The following P4HA1 variants were observed in gnomAD, a reference collection of about 807,000 sequenced individuals.
P4HA1 encodes the protein prolyl 4-hydroxylase subunit alpha 1, also known as prolyl 4-hydroxylase subunit alpha-1.
A neutral mutation model predicts 72.8 loss-of-function variants in P4HA1; 24 were observed. The observed-to-expected ratio is 0.33, with a 90% CI of 0.24 to 0.46. The LOEUF (loss-of-function observed/expected upper bound fraction) is 0.46, where lower values mean the gene tolerates loss of function less well. Ranked by LOEUF, P4HA1 falls within the 20% of genes least tolerant of loss-of-function variation. The pLI, the probability that P4HA1 is intolerant of heterozygous loss-of-function variation, is 1.00. For synonymous variants in P4HA1, 201 were observed against 218.8 expected, an observed-to-expected ratio of 0.92 and a Z score of 0.72; for missense variants, 446 against 640.6, an observed-to-expected ratio of 0.70 and a Z score of 3.28.
chr10:73,034,779 T>C (rs1840530381), intron 9 of P4HA1, among the ~76,000 whole-genome samples: 1 of 151,854 alleles, frequency 6.6e-6, no homozygotes, highest in Non-Finnish European at 1.5e-5. Flanking sequence ...CGGGGTTTCA[T>C]CATGGTGACC....
intron 1 of P4HA1, among the ~76,000 whole-genome samples, chr10:73,080,503 A>C (rs1564636988): frequency 6.6e-6 from 1 of 152,224 alleles, no homozygotes; most frequent in African/African-American, 2.4e-5. Flanking sequence ...AGTACAACTG[A>C]ATGTCTAATT....
Position 73,053,559 on chromosome 10 carries a change from C to T in P4HA1, c.495G>A (p.Glu165=), listed in dbSNP as rs200307011. The T allele has an allele frequency of 7.4e-5, 120 of 1,613,798 alleles. No individual in the cohort carries two copies. Among genetic ancestry groups the T allele is most frequent in the Admixed American group, 1.2e-4 (7 of 59,994 alleles). The stretch of plus-strand genomic sequence containing the variant: ...CCACTTTGCCCAACTCAAAGCAGTC[C>T]TCAGCCGTTAGAAAAGATTTGTGTT... ...GVKHKSFLTA[E]DCFELGKVAY... Residue 165 remains glutamate, a synonymous_variant, in exon 6 of 15, where the codon GAG becomes GAA. Coordinates refer to ENST00000394890, the MANE Select transcript of P4HA1 (RefSeq NM_001017962.3).
intron 1 of P4HA1, among the ~76,000 whole-genome samples, chr10:73,080,591 A>G (rs923522632): frequency 6.6e-6 from 1 of 152,244 alleles, no homozygotes; most frequent in Admixed American, 6.5e-5. Context: ...TTTAAGTGAC[A>G]TGTTAATAGC....
Position 73,007,596 on chromosome 10 carries a change from T to C in P4HA1, c.*626A>G, listed in dbSNP as rs201527600. 2.1e-5 allele frequency: 3 copies of C among 142,078 alleles called. No individual in the cohort carries two copies. Among genetic ancestry groups the C allele is most frequent in the Non-Finnish European group, 4.6e-5 (3 of 65,462 alleles). 8.8% of individuals were successfully genotyped at this position (142,078 alleles called of 1,614,324 possible). On this transcript the variant is annotated 3_prime_UTR_variant, in exon 15 of 15. Transcript: ENST00000394890. ...CTTTCCATTAAAAAAAAAAAAAAAATCGAAATATTTTAACTCAAGTACGTT... is the reference window on the plus strand; with the variant it reads ...CTTTCCATTAAAAAAAAAAAAAAAACCGAAATATTTTAACTCAAGTACGTT...
intron 1 of P4HA1, among the ~76,000 whole-genome samples, chr10:73,090,350 T>C (rs1842002886): frequency 6.6e-6 from 1 of 151,538 alleles, no homozygotes; most frequent in Non-Finnish European, 1.5e-5. Flanking sequence ...CCCAGGCTGG[T>C]CTGGAACTCC....
intron 9 of P4HA1, among the ~76,000 whole-genome samples, chr10:73,034,769 C>T (rs551907219): frequency 6.6e-6 from 1 of 151,580 alleles, no homozygotes. Flanking sequence ...TTAGTAGAGA[C>T]GGGGTTTCAT....
chr10:73,078,987 C>T (rs916312981), intron 1 of P4HA1, among the ~76,000 whole-genome samples: 2 of 151,936 alleles, frequency 1.3e-5, no homozygotes, highest in African/African-American at 4.8e-5. Context: ...AAATTAACTT[C>T]GTACAAAATA....
chr10:73,072,299 C>T, intron 3 of P4HA1, 119 bp from the exon 4 acceptor site: 1 of 728,264 alleles, frequency 1.4e-6, no homozygotes, highest in Non-Finnish European at 2.2e-6. Flanking sequence ...TCTGTAGTTT[C>T]TTTTTAAAGT....
At chr10:73,026,350 T>C (rs1337068706) in intron 10 of P4HA1, among the ~76,000 whole-genome samples, 1 of 152,118 alleles carries the variant, frequency 6.6e-6, no homozygotes, top group African/African-American at 2.4e-5. Context: ...AAACAAGAAA[T>C]GGGGAAAGGA....
chr10:73,011,080 A>T (rs1277122235), intron 12 of P4HA1, 43 bp from the exon 13 acceptor site: 1 of 1,425,842 alleles, frequency 7.0e-7, no homozygotes, highest in Non-Finnish European at 9.9e-7. Flanking sequence ...CTGGTAGAAT[A>T]AAGTAAAACA....
Position 73,068,953 on chromosome 10 carries a change from T to C in P4HA1, c.356A>G (p.Gln119Arg). The part of the protein sequence containing the change: ...GFISNLTIQR[Q>R]YFPNDEDQVG... ...CTGATCTTCATCATTAGGAAAGTAC[T>C]GTCTCTGAATGGTTAGGTTAGAGAT... The change falls in exon 5 of 15, where the codon CAG (glutamine) becomes CGG (arginine). Residue 119 changes from glutamine to arginine, a missense_variant. Transcript: ENST00000394890. 2 of 1,612,808 alleles carry C rather than the reference T, an allele frequency of 1.2e-6. No homozygotes were observed. Among genetic ancestry groups the C allele is most frequent in the South Asian group, 1.1e-5 (1 of 91,048 alleles).
At chr10:73,054,215 G>A (rs956698408) in intron 5 of P4HA1, among the ~76,000 whole-genome samples, 1 of 152,092 alleles carries the variant, frequency 6.6e-6, no homozygotes, top group Non-Finnish European at 1.5e-5. Flanking sequence ...CACCATATGA[G>A]ATATATCTAT....
At chr10:73,050,906 CTAAGCTGA>C in intron 7 of P4HA1, 139 bp downstream of exon 7, 1 of 715,080 alleles carries the variant, frequency 1.4e-6, no homozygotes, top group Non-Finnish European at 2.4e-6. Flanking sequence ...TCTATGTTGC[CTAAGCTGA>C]CATACTGTAA....
At position 73,044,967 on chromosome 10, in the gene P4HA1, T is replaced by TAC. The variant is rs1840818319; in HGVS notation, c.1148+12_1148+13dup. 6.2e-7 allele frequency: 1 copy of TAC among 1,604,094 alleles called. No homozygotes were observed. ...TCATTAGAGGGCAAAATATGCAGCA[T>TAC]ACACATCTCTTACCTTTTGCTAATT... On this transcript the variant is annotated intron_variant, in intron 9 of 14. Transcript: ENST00000394890.
At chr10:73,019,730 G>GGAAAAAA (rs764487873) in intron 10 of P4HA1, among the ~76,000 whole-genome samples, 2 of 65,230 alleles carry the variant, frequency 3.1e-5, no homozygotes, top group South Asian at 9.4e-4. Context: ...CTCTGTCTCA[G>GGAAAAAA]AAAAAAAAAA....
In P4HA1 at chr10:73,074,932, G is replaced by A; in HGVS notation, c.-32-17C>T. ...ATCACACACCTACAAAAGAAAGAGAGAAATGCAGCCATTACTTAAAAAATA... is the reference window on the plus strand; with the variant it reads ...ATCACACACCTACAAAAGAAAGAGAAAAATGCAGCCATTACTTAAAAAATA... On this transcript the variant is annotated splice_polypyrimidine_tract_variant and intron_variant, in intron 1 of 14. Transcript: ENST00000394890. The A allele has an allele frequency of 1.2e-6, 1 of 814,330 alleles. No homozygotes were observed. Among genetic ancestry groups the A allele is most frequent in the Admixed American group, 2.2e-5 (1 of 45,460 alleles). 50.4% of individuals were successfully genotyped at this position (814,330 alleles called of 1,614,324 possible).
chr10:73,048,417 C>T (rs180942468), intron 7 of P4HA1, among the ~76,000 whole-genome samples: 80 of 152,246 alleles, frequency 5.3e-4, no homozygotes, highest in African/African-American at 1.8e-3. Flanking sequence ...GCCCCTGCCA[C>T]CATGCTCGGC....
intron 3 of P4HA1, among the ~76,000 whole-genome samples, chr10:73,073,052 C>T (rs1355400588): frequency 1.3e-5 from 2 of 151,428 alleles, no homozygotes; most frequent in East Asian, 4.0e-4. Flanking sequence ...CACCTGTAAT[C>T]CCAGCTACTT....
intron 7 of P4HA1, among the ~76,000 whole-genome samples, chr10:73,048,037 G>GC (rs1660632509): frequency 6.6e-6 from 1 of 152,104 alleles, no homozygotes; most frequent in Non-Finnish European, 1.5e-5. Context: ...GGGTGACAGA[G>GC]CAAGAAGCTG....
Sources: gnomAD v4.1 joint callset for allele counts (sites outside exome capture counted in the v4.1 genomes callset) on GRCh38, gnomAD v4.1.1 for gene constraint, MANE v1.5 for transcripts, NCBI Gene and HGNC (gene_info 2026-07-23, HGNC 2026-07-21) for gene names.